Variants in PRLR observed in about 807,000 individuals in gnomAD.
The protein encoded by PRLR is hPRL receptor.
PRLR carries 13 observed loss-of-function variants against 40.2 expected under a neutral mutation model. The ratio of observed to expected loss-of-function variants is 0.32; its 90% CI spans 0.21 to 0.51. The LOEUF (loss-of-function observed/expected upper bound fraction) is 0.51, where lower values mean the gene tolerates loss of function less well. PRLR is among the 20% of genes least tolerant of loss of function. The pLI is 0.97. For missense variants in PRLR, 656 were observed against 747.3 expected, an observed-to-expected ratio of 0.88 and a Z score of 1.42; for synonymous variants, 269 against 278.7, an observed-to-expected ratio of 0.97 and a Z score of 0.35.
chr5:35,051,519 C>T (rs565262308), downstream of PRLR, among the ~76,000 whole-genome samples: 378 of 152,292 alleles, frequency 2.5e-3, 1 homozygote, highest in African/African-American at 8.5e-3. Flanking sequence ...TCCTTAGAGT[C>T]TGGTTCACTA....
intron 1 of PRLR, among the ~76,000 whole-genome samples, chr5:35,155,301 G>A (rs905406535): frequency 4.6e-5 from 7 of 152,116 alleles, no homozygotes; most frequent in African/African-American, 1.7e-4. Flanking sequence ...GATTCATGTT[G>A]TAATCAATTC....
intron 2 of PRLR, among the ~76,000 whole-genome samples, chr5:35,102,435 T>A (rs1771942033): frequency 6.6e-6 from 1 of 151,858 alleles, no homozygotes; most frequent in Admixed American, 6.6e-5. Flanking sequence ...TTTCCTTTTC[T>A]TTTCTTTGCT....
chr5:35,183,040 C>T (rs189555524), intron 1 of PRLR, among the ~76,000 whole-genome samples: 3 of 152,312 alleles, frequency 2.0e-5, no homozygotes, highest in Non-Finnish European at 4.4e-5. Flanking sequence ...TCTCTAGCCC[C>T]TCTCCCACCC....
chr5:35,108,088 G>A (rs986750133), intron 2 of PRLR, among the ~76,000 whole-genome samples: 2 of 152,062 alleles, frequency 1.3e-5, no homozygotes, highest in African/African-American at 4.8e-5. Flanking sequence ...ATCAATAAAC[G>A]TAATCCAGCA....
At chr5:35,081,976 T>C (rs551029256) in intron 5 of PRLR, 24 of 185,052 alleles carry the variant, frequency 1.3e-4, no homozygotes, top group African/African-American at 5.6e-4. Flanking sequence ...GGTGGACTCA[T>C]GGTCCACATG....
intron 2 of PRLR, among the ~76,000 whole-genome samples, chr5:35,090,215 C>T (rs1189680653): frequency 1.3e-5 from 2 of 152,158 alleles, no homozygotes; most frequent in Non-Finnish European, 2.9e-5. Flanking sequence ...GCGAACCACA[C>T]AATGCACTCT....
chr5:35,122,013 T>G (rs1379809527), intron 1 of PRLR, among the ~76,000 whole-genome samples: 1 of 152,174 alleles, frequency 6.6e-6, no homozygotes, highest in Admixed American at 6.6e-5. Flanking sequence ...AAGTGGGAGT[T>G]GATACACAAT....
At chr5:35,067,792 T>C (rs1405937320) in intron 9 of PRLR, among the ~76,000 whole-genome samples, 2 of 152,100 alleles carry the variant, frequency 1.3e-5, no homozygotes, top group African/African-American at 4.8e-5. Flanking sequence ...ATAATGGCAA[T>C]GGGATATTCT....
chr5:35,102,635 C>G (rs565067156), intron 2 of PRLR, among the ~76,000 whole-genome samples: 1 of 151,604 alleles, frequency 6.6e-6, no homozygotes, highest in Admixed American at 6.6e-5. Flanking sequence ...CTCCAATGCC[C>G]GGGTTCAAGA....
At chr5:35,146,846 G>A (rs1774195605) in intron 1 of PRLR, among the ~76,000 whole-genome samples, 1 of 152,150 alleles carries the variant, frequency 6.6e-6, no homozygotes, top group African/African-American at 2.4e-5. Context: ...TTGAAGCAAG[G>A]CTTCTTTCAT....
intron 1 of PRLR, among the ~76,000 whole-genome samples, chr5:35,204,671 G>T (rs573818155): frequency 2.3e-4 from 35 of 152,040 alleles, no homozygotes; most frequent in Non-Finnish European, 4.1e-4. Flanking sequence ...TAAACAACCT[G>T]GAAGAATCTT....
At chr5:35,092,600 A>G (rs1011827051) in intron 2 of PRLR, among the ~76,000 whole-genome samples, 1 of 152,090 alleles carries the variant, frequency 6.6e-6, no homozygotes, top group African/African-American at 2.4e-5. Flanking sequence ...CAAGATCTTG[A>G]TCGAGGGCAG....
At chr5:35,145,820 C>A (rs925261392) in intron 1 of PRLR, among the ~76,000 whole-genome samples, 1 of 151,710 alleles carries the variant, frequency 6.6e-6, no homozygotes, top group Admixed American at 6.5e-5. Context: ...TATAAAACTG[C>A]ATACAAAATA....
chr5:35,213,911 C>T (rs376354862), intron 1 of PRLR, among the ~76,000 whole-genome samples: 8 of 152,178 alleles, frequency 5.3e-5, no homozygotes, highest in Admixed American at 6.5e-5. Context: ...GCACAGCTCC[C>T]GGTCCTGGAG....
At chr5:35,117,955 G>C in intron 2 of PRLR, 106 bp downstream of exon 2, 1 of 512,948 alleles carries the variant, frequency 1.9e-6, no homozygotes, top group South Asian at 8.4e-5. Context: ...ACTGGTTTGA[G>C]ATGATATTCT....
intron 1 of PRLR, among the ~76,000 whole-genome samples, chr5:35,174,250 C>G (rs540010682): frequency 6.6e-6 from 1 of 152,114 alleles, no homozygotes; most frequent in African/African-American, 2.4e-5. Context: ...CCGCCACGCC[C>G]GGCTAATTTT....
chr5:35,102,486 G>GTCCCGTCTCCTCTCCTCTCC (rs1561299371), intron 2 of PRLR, among the ~76,000 whole-genome samples: 6 of 89,396 alleles, frequency 6.7e-5, no homozygotes. Context: ...GTCCCGTCCC[G>GTCCCGTCTCCTCTCCTCTCC]TCTCCTCTCC....
chr5:35,070,846 A>C (rs1170976827), intron 6 of PRLR, among the ~76,000 whole-genome samples: 1 of 150,992 alleles, frequency 6.6e-6, no homozygotes, highest in Non-Finnish European at 1.5e-5. Flanking sequence ...CGTCTCAAAA[A>C]AAAAAAAAAA....
At chr5:35,134,083 G>A (rs1773773326) in intron 1 of PRLR, among the ~76,000 whole-genome samples, 1 of 152,126 alleles carries the variant, frequency 6.6e-6, no homozygotes, top group African/African-American at 2.4e-5. Flanking sequence ...TGGGTTTAAT[G>A]TATACTGCTC....
Sources: gnomAD v4.1 joint callset for allele counts (sites outside exome capture counted in the v4.1 genomes callset) on GRCh38, gnomAD v4.1.1 for gene constraint, MANE v1.5 for transcripts, NCBI Gene and HGNC (gene_info 2026-07-23, HGNC 2026-07-21) for gene names.